COL11A1: variants seen among roughly 807,000 people sequenced by gnomAD.
COL11A1 encodes collagen type XI alpha 1 chain.
In COL11A1, 74 loss-of-function variants were observed where a neutral mutation model predicts 265.2. That is an observed-to-expected ratio of 0.28 (90% confidence interval 0.23 to 0.34). The LOEUF (loss-of-function observed/expected upper bound fraction) is 0.34, where lower values mean the gene tolerates loss of function less well. Among genes scored for constraint, COL11A1 ranks in the 10% least tolerant of loss-of-function variants. The pLI, the probability that COL11A1 is intolerant of heterozygous loss-of-function variation, is 1.00. For synonymous variants in COL11A1, 816 were observed against 727.6 expected (o/e 1.12, Z -1.96); for missense variants, 2,165 against 2,263.6 (o/e 0.96, Z 0.88).
chr1:102,882,445 A>G (rs1650380014), intron 64 of COL11A1, among the ~76,000 whole-genome samples: 1 of 152,108 alleles, frequency 6.6e-6, no homozygotes, highest in African/African-American at 2.4e-5. Flanking sequence ...GGAAGATGGA[A>G]GTTGTTTTTT....
intron 56 of COL11A1, 73 bp downstream of exon 56, chr1:102,898,593 C>A: frequency 9.0e-7 from 1 of 1,112,288 alleles, no homozygotes; most frequent in East Asian, 2.6e-5. Flanking sequence ...CTAACATAGA[C>A]ACCTTCATTC....
At chr1:103,017,286 A>C (rs1666644234) in intron 11 of COL11A1, among the ~76,000 whole-genome samples, 1 of 152,100 alleles carries the variant, frequency 6.6e-6, no homozygotes, top group East Asian at 1.9e-4. Flanking sequence ...GAAAAGTATA[A>C]GTTATTTGCA....
intron 14 of COL11A1, among the ~76,000 whole-genome samples, chr1:103,008,807 T>C (rs74108507): frequency 1.2e-3 from 181 of 152,302 alleles, no homozygotes; most frequent in African/African-American, 4.3e-3. Context: ...GTGTGCACTA[T>C]CAGAACTCAT....
At chr1:102,888,548 G>T in intron 62 of COL11A1, 29 bp downstream of exon 62, 3 of 1,599,294 alleles carry the variant, frequency 1.9e-6, no homozygotes, top group Non-Finnish European at 2.6e-6. Flanking sequence ...CAAACTGTCA[G>T]AACATCACTC....
At chr1:102,918,793 T>C (rs1655649032) in intron 49 of COL11A1, among the ~76,000 whole-genome samples, 1 of 152,040 alleles carries the variant, frequency 6.6e-6, no homozygotes, top group Non-Finnish European at 1.5e-5. Context: ...ATAATATACA[T>C]AGGCTTTAAA....
intron 30 of COL11A1, among the ~76,000 whole-genome samples, chr1:102,984,602 T>C (rs1369194799): frequency 6.6e-6 from 1 of 152,040 alleles, no homozygotes; most frequent in Non-Finnish European, 1.5e-5. Flanking sequence ...CCAGAGTAAA[T>C]CTTTTTGATA....
chr1:103,015,767 A>C, intron 11 of COL11A1, 25 bp from the exon 12 acceptor site: 1 of 1,395,624 alleles, frequency 7.2e-7, no homozygotes, highest in Non-Finnish European at 1.0e-6. Context: ...GAAATAACCA[A>C]AATAAATAAA....
rs963522856 is a variant in COL11A1 at position 102,876,781 on chromosome 1, G to A, written c.*1238C>T. ...TATTGCTATTTCAAGCTACCTTAAAGTAAATACCTTAGTGGAAAAAAAAGT... is the reference window on the plus strand; with the variant it reads ...TATTGCTATTTCAAGCTACCTTAAAATAAATACCTTAGTGGAAAAAAAAGT... On this transcript the variant is annotated 3_prime_UTR_variant, in exon 67 of 67. Transcript: ENST00000370096. 3.9e-5 allele frequency: 6 copies of A among 152,062 alleles called. No homozygotes were observed. The highest frequency in any genetic ancestry group is 3.3e-4 in the Admixed American group (5 of 15,210). The allele number at this position is 152,062 out of a possible 1,614,324, so 9.4% of individuals were successfully genotyped here. A position where few individuals can be genotyped will look rare whatever the true frequency, so the allele number is the denominator to read the frequency against.
chr1:103,000,535 T>C (rs188790714), intron 24 of COL11A1, among the ~76,000 whole-genome samples: 2 of 151,718 alleles, frequency 1.3e-5, no homozygotes, highest in South Asian at 2.1e-4. Context: ...ATTAGGAAAA[T>C]GCAAATTACA....
In COL11A1 at chr1:103,020,387, C is replaced by T. The variant is rs1183282200; in HGVS notation, c.1308+1320G>A. ...TGTTTTTTGGCTGCATAGATGTCTTCTTTTGAGAAGTGTCTGTTCATGTCC... is the reference window on the plus strand; with the variant it reads ...TGTTTTTTGGCTGCATAGATGTCTTTTTTTGAGAAGTGTCTGTTCATGTCC... On this transcript the variant is annotated intron_variant, in intron 9 of 66. Coordinates refer to ENST00000370096, the MANE Select transcript of COL11A1 (RefSeq NM_001854.4). Among the ~76,000 whole-genome samples, 3 of 138,326 alleles carry T rather than the reference C, an allele frequency of 2.2e-5. No homozygotes were observed. In the East Asian group the frequency reaches 6.5e-4, roughly 30 times the overall value. 90.7% of individuals were successfully genotyped at this position (138,326 alleles called of 152,430 possible).
At chr1:102,914,655 A>G (rs1655091949) in intron 51 of COL11A1, 49 bp downstream of exon 51, 1 of 1,376,746 alleles carries the variant, frequency 7.3e-7, no homozygotes, top group East Asian at 2.3e-5. Context: ...AAAAGCTCCA[A>G]GGTGAGTTTG....
intron 9 of COL11A1, 22 bp from the exon 10 acceptor site, chr1:103,018,881 T>A: frequency 6.2e-7 from 1 of 1,606,918 alleles, no homozygotes; most frequent in Non-Finnish European, 8.5e-7. Context: ...AAAGAGAACA[T>A]CTCTACCAGG....
intron 36 of COL11A1, 29 bp downstream of exon 36, chr1:102,974,801 G>T (rs748513984): frequency 6.4e-7 from 1 of 1,573,842 alleles, no homozygotes; most frequent in Admixed American, 1.7e-5. Flanking sequence ...ATCAAATGAA[G>T]AAAGAGAAAG....
intron 4 of COL11A1, among the ~76,000 whole-genome samples, chr1:103,074,256 C>A (rs954280671): frequency 1.3e-5 from 2 of 151,910 alleles, no homozygotes; most frequent in Non-Finnish European, 2.9e-5. Context: ...ATATGACTTG[C>A]GCATCTCTCT....
chr1:103,092,533 CAT>C (rs997224694), intron 1 of COL11A1, among the ~76,000 whole-genome samples: 2 of 152,056 alleles, frequency 1.3e-5, no homozygotes, highest in Admixed American at 1.3e-4. Context: ...TGTAAACAAA[CAT>C]AAAGATGCAG....
intron 46 of COL11A1, among the ~76,000 whole-genome samples, chr1:102,934,096 G>A (rs1006646099): frequency 1.3e-5 from 2 of 152,110 alleles, no homozygotes; most frequent in South Asian, 2.1e-4. Context: ...GTTCCTATTC[G>A]GCCATCTTGG....
chr1:102,880,419 T>C (rs1026184174), intron 65 of COL11A1, among the ~76,000 whole-genome samples: 31 of 152,188 alleles, frequency 2.0e-4, no homozygotes, highest in Non-Finnish European at 1.5e-5. Context: ...TTTGGGGCTA[T>C]AGTCCTCAAA....
intron 42 of COL11A1, among the ~76,000 whole-genome samples, chr1:102,946,340 A>C (rs536244420): frequency 6.8e-5 from 10 of 147,514 alleles, no homozygotes; most frequent in African/African-American, 2.7e-4. Flanking sequence ...ACCCCCCCCC[A>C]AAAAATGTTA....
chr1:102,909,778 T>C (rs1020234830), intron 54 of COL11A1, among the ~76,000 whole-genome samples: 6 of 152,064 alleles, frequency 3.9e-5, no homozygotes, highest in African/African-American at 1.4e-4. Context: ...TTGAATTTTC[T>C]ACGATATTTT....
Sources: allele counts gnomAD v4.1 joint callset (sites outside exome capture counted in the v4.1 genomes callset), GRCh38; gene constraint gnomAD v4.1.1; transcripts MANE v1.5; gene names NCBI Gene and HGNC (gene_info 2026-07-23, HGNC 2026-07-21).